Variants in SLC9A9 observed in about 807,000 individuals in gnomAD.
The protein encoded by SLC9A9 is solute carrier family 9 member A9.
Under a neutral mutation model 77.8 loss-of-function variants are expected in SLC9A9, and 62 were observed. The ratio of observed to expected loss-of-function variants is 0.80; its 90% CI spans 0.65 to 0.98. The LOEUF is 0.98. Ranked by LOEUF, SLC9A9 falls within the 50% of genes least tolerant of loss-of-function variation. The probability of loss-of-function intolerance (pLI) is 0.00; values close to 1 mark genes in which losing one functional copy is unlikely to be tolerated. For synonymous variants in SLC9A9, 320 were observed against 283.5 expected (o/e 1.13, Z -1.29); for missense variants, 775 against 774.9 (o/e 1.00, Z 0.00).
chr3:143,551,141 T>G (rs1559964004), intron 9 of SLC9A9, among the ~76,000 whole-genome samples: 1 of 151,954 alleles, frequency 6.6e-6, no homozygotes, highest in African/African-American at 2.4e-5. Flanking sequence ...GAGATTGGGG[T>G]GGATGTGTCT....
chr3:143,335,635 TG>T (rs1490579833), intron 14 of SLC9A9, among the ~76,000 whole-genome samples: 2 of 152,174 alleles, frequency 1.3e-5, no homozygotes, highest in South Asian at 2.1e-4. Flanking sequence ...AAATGATCTT[TG>T]ATGAGTCAGG....
rs553790606 is a variant in SLC9A9 at position 143,752,552 on chromosome 3, G to A, written c.533+42449C>T. On this transcript the variant is annotated intron_variant, in intron 4 of 15. Coordinates refer to ENST00000316549, the MANE Select transcript of SLC9A9 (RefSeq NM_173653.4). ...AAGAAGGTAGGAGCAGGAGTATGGCGGCAACTTAAAATAATGAGTGTAGTT... is the reference window on the plus strand; with the variant it reads ...AAGAAGGTAGGAGCAGGAGTATGGCAGCAACTTAAAATAATGAGTGTAGTT... 4.7e-4 allele frequency among the ~76,000 whole-genome samples: 71 copies of A among 152,192 alleles called. No homozygotes were observed. In the South Asian group the frequency reaches 0.011, roughly 24 times the overall value.
intron 5 of SLC9A9, among the ~76,000 whole-genome samples, chr3:143,675,503 A>G (rs972712206): frequency 3.3e-5 from 5 of 152,224 alleles, no homozygotes; most frequent in Non-Finnish European, 7.3e-5. Flanking sequence ...GAAAGCCAAC[A>G]ACGAGGGCTC....
chr3:143,662,348 G>A (rs180856175), intron 5 of SLC9A9, among the ~76,000 whole-genome samples: 3 of 152,320 alleles, frequency 2.0e-5, no homozygotes, highest in East Asian at 1.9e-4. Context: ...CAAGATGGCC[G>A]AATAGGAATG....
At chr3:143,651,674 A>G (rs1276819392) in intron 6 of SLC9A9, among the ~76,000 whole-genome samples, 2 of 152,228 alleles carry the variant, frequency 1.3e-5, no homozygotes, top group Non-Finnish European at 2.9e-5. Flanking sequence ...AGGTAAGGAA[A>G]GAGCACTGGC....
chr3:143,277,990 C>A lies in SLC9A9; in HGVS notation c.1605-9010G>T, dbSNP rs530816461. Among the ~76,000 whole-genome samples the A allele has an allele frequency of 2.0e-4, 31 of 152,296 alleles. 1 individual carries two copies. Among genetic ancestry groups the A allele is most frequent in the African/African-American group, 7.5e-4 (31 of 41,566 alleles). Reference sequence around the variant, plus strand: ...GAGCTCACACTTAAGATAAGGGTGGCAGCTCATCCCATACTCCCTGGGGCT... The same window carrying A: ...GAGCTCACACTTAAGATAAGGGTGGAAGCTCATCCCATACTCCCTGGGGCT... On this transcript the variant is annotated intron_variant, in intron 14 of 15. Transcript: ENST00000316549.
chr3:143,799,504 T>C (rs2008489968), intron 2 of SLC9A9, among the ~76,000 whole-genome samples: 1 of 152,232 alleles, frequency 6.6e-6, no homozygotes. Flanking sequence ...TCCAAATTCC[T>C]GAACCCCAGC....
At chr3:143,674,516 TC>T (rs983898433) in intron 5 of SLC9A9, among the ~76,000 whole-genome samples, 5 of 152,060 alleles carry the variant, frequency 3.3e-5, no homozygotes, top group Non-Finnish European at 7.4e-5. Flanking sequence ...GGTTCACACT[TC>T]CCCTTGAAAC....
Position 143,403,568 on chromosome 3 carries a change from G to A in SLC9A9, c.1470-21454C>T, listed in dbSNP as rs955770999. On this transcript the variant is annotated intron_variant, in intron 12 of 15. Coordinates refer to ENST00000316549, the MANE Select transcript of SLC9A9 (RefSeq NM_173653.4). Reference sequence around the variant, plus strand: ...TAACAACAAATTCAGTCTTTATTTGGAAATGTGACTTTGTTTTCCTTTCTG... The same window carrying A: ...TAACAACAAATTCAGTCTTTATTTGAAAATGTGACTTTGTTTTCCTTTCTG... Among the ~76,000 whole-genome samples the A allele has an allele frequency of 2.0e-5, 3 of 151,544 alleles. No homozygotes were observed. The East Asian group carries it at 5.8e-4, about 29-fold the overall frequency.
intron 2 of SLC9A9, among the ~76,000 whole-genome samples, chr3:143,827,492 A>G (rs566586804): frequency 5.5e-4 from 84 of 152,292 alleles, no homozygotes; most frequent in Non-Finnish European, 9.3e-4. Context: ...TGAAATTTTT[A>G]TATGTTTAAA....
intron 12 of SLC9A9, among the ~76,000 whole-genome samples, chr3:143,432,230 G>A (rs78700155): frequency 0.023 from 3,521 of 152,230 alleles, 112 homozygotes; most frequent in African/African-American, 0.079. Context: ...TGTTAAGTGT[G>A]TGAATAAATT....
At position 143,270,819 on chromosome 3, in the gene SLC9A9, TA is replaced by T. The variant is rs944166510; in HGVS notation, c.1605-1840del. ...TTTAGGATTGTGTAATGAACACCCT[TA>T]AAAAATCCTGATGAGGTTATTATCT... On this transcript the variant is annotated intron_variant, in intron 14 of 15. Coordinates refer to ENST00000316549, the MANE Select transcript of SLC9A9 (RefSeq NM_173653.4). 2.2e-4 allele frequency among the ~76,000 whole-genome samples: 33 copies of T among 152,334 alleles called. 1 individual carries two copies. The highest frequency in any genetic ancestry group is 7.9e-4 in the African/African-American group (33 of 41,588).
chr3:143,328,920 G>C (rs2031683516), intron 14 of SLC9A9, among the ~76,000 whole-genome samples: 1 of 152,082 alleles, frequency 6.6e-6, no homozygotes. Flanking sequence ...TGTCAGTTTT[G>C]CTTGACCACA....
intron 6 of SLC9A9, among the ~76,000 whole-genome samples, chr3:143,635,725 T>G (rs2038509883): frequency 1.3e-5 from 2 of 152,212 alleles, no homozygotes; most frequent in Non-Finnish European, 2.9e-5. Flanking sequence ...TGATCTTAAC[T>G]GTGCTCTAAA....
At chr3:143,791,539 C>G in intron 4 of SLC9A9, among the ~76,000 whole-genome samples, 1 of 152,194 alleles carries the variant, frequency 6.6e-6, no homozygotes, top group Non-Finnish European at 1.5e-5. Flanking sequence ...AGCTGACTCT[C>G]TAGCATTTTC....
intron 14 of SLC9A9, among the ~76,000 whole-genome samples, chr3:143,361,997 T>G (rs1003180980): frequency 3.3e-5 from 5 of 152,218 alleles, no homozygotes; most frequent in African/African-American, 1.2e-4. Context: ...TAGTCAAATT[T>G]TTATAATTTT....
At chr3:143,808,508 T>C (rs761442605) in intron 2 of SLC9A9, among the ~76,000 whole-genome samples, 9 of 152,252 alleles carry the variant, frequency 5.9e-5, no homozygotes, top group Non-Finnish European at 1.2e-4. Context: ...GTAATTATCT[T>C]TTGAAGAGAA....
chr3:143,604,504 C>G (rs1420881930), intron 6 of SLC9A9, among the ~76,000 whole-genome samples: 2 of 152,142 alleles, frequency 1.3e-5, no homozygotes, highest in Admixed American at 1.3e-4. Flanking sequence ...GTTGGGATGG[C>G]AACCAGAACT....
intron 14 of SLC9A9, among the ~76,000 whole-genome samples, chr3:143,351,085 T>C (rs1467886842): frequency 2.0e-5 from 3 of 152,262 alleles, no homozygotes; most frequent in South Asian, 2.1e-4. Context: ...ATGATCAAGG[T>C]TTTAAAACCT....
Sources: gnomAD v4.1 joint callset for allele counts (sites outside exome capture counted in the v4.1 genomes callset) on GRCh38, gnomAD v4.1.1 for gene constraint, MANE v1.5 for transcripts, NCBI Gene and HGNC (gene_info 2026-07-23, HGNC 2026-07-21) for gene names.